Variants in EPN1 observed in about 807,000 individuals in gnomAD.
EPN1 encodes epsin-1.
A neutral mutation model predicts 56.9 loss-of-function variants in EPN1; 25 were observed. The ratio of observed to expected loss-of-function variants is 0.44; its 90% CI spans 0.32 to 0.61. The LOEUF (loss-of-function observed/expected upper bound fraction) is 0.61. EPN1 is among the 20% of genes least tolerant of loss of function. EPN1 has a pLI of 0.05. For synonymous variants in EPN1, 411 were observed against 361.8 expected, an observed-to-expected ratio of 1.14 and a Z score of -1.54; for missense variants, 785 against 823.7, an observed-to-expected ratio of 0.95 and a Z score of 0.58.
chr19:55,697,750 G>A lies in EPN1; in HGVS notation c.*2394G>A, dbSNP rs999518208. ...AGTGCTCAGCAGGAGCTGCTGTGTA[G>A]GAGTCCCCCATGAGGCCCAAGCACC... is the stretch of plus-strand genomic sequence containing the variant. On this transcript the variant is annotated 3_prime_UTR_variant, in exon 11 of 11. Coordinates refer to ENST00000270460, the MANE Select transcript of EPN1 (RefSeq NM_001130072.2). 6.6e-6 allele frequency: 1 copy of A among 152,146 alleles called. No homozygotes were observed. Among genetic ancestry groups the A allele is most frequent in the African/African-American group, 2.4e-5 (1 of 41,406 alleles). The allele number at this position is 152,146 out of a possible 1,614,324, so 9.4% of individuals were successfully genotyped here.
In EPN1 at chr19:55,703,563, AT is replaced by A. The variant is rs1987250670; in HGVS notation, c.*8208del. ...GGTCTGGAACTCCTGACCTCAGGTG[AT>A]CCACCTGCCTCGGCCCCCCAAAGTA... On this transcript the variant is annotated 3_prime_UTR_variant, in exon 11 of 11. Coordinates refer to ENST00000270460, the MANE Select transcript of EPN1 (RefSeq NM_001130072.2). 1.3e-5 allele frequency: 2 copies of A among 151,808 alleles called. No individual in the cohort carries two copies. The highest frequency in any genetic ancestry group is 4.2e-4 in the South Asian group (2 of 4,818). 9.4% of individuals were successfully genotyped at this position (151,808 alleles called of 1,614,324 possible).
chr19:55,677,282 T>C, intron 1 of EPN1: 1 of 944,722 alleles, frequency 1.1e-6, no homozygotes. Context: ...GAGGTGGCTA[T>C]GAATCATGGG....
chr19:55,691,046 A>G lies in EPN1; in HGVS notation c.763-708A>G, dbSNP rs937880486. ...GGTGCTGACTGGAGATGTGTGCATG[A>G]GTATGTTGGGGGCATCTGCACGTTC... On this transcript the variant is annotated intron_variant, in intron 6 of 10. Coordinates refer to ENST00000270460, the MANE Select transcript of EPN1 (RefSeq NM_001130072.2). The surrounding 1 kb of genome is among the most constrained non-coding windows in gnomAD (Gnocchi z 5.6). 6.6e-6 allele frequency among the ~76,000 whole-genome samples: 1 copy of G among 151,738 alleles called. No individual in the cohort carries two copies. The highest frequency in any genetic ancestry group is 2.4e-5 in the African/African-American group (1 of 41,238).
At position 55,702,539 on chromosome 19, in the gene EPN1, T is replaced by A. The variant is rs924523182; in HGVS notation, c.*7183T>A. ...CCTCCCAAGTCTGTGCCCGAGTTGC[T>A]TATCTGTGTTTTACAGCCTGAAAGA... On this transcript the variant is annotated 3_prime_UTR_variant, in exon 11 of 11. Transcript: ENST00000270460. 6.6e-6 allele frequency: 1 copy of A among 152,208 alleles called. No individual in the cohort carries two copies. The highest frequency in any genetic ancestry group is 6.5e-5 in the Admixed American group (1 of 15,284). 9.4% of individuals were successfully genotyped at this position (152,208 alleles called of 1,614,324 possible).
Position 55,678,819 on chromosome 19 carries a change from C to T in EPN1, c.192C>T (p.Leu64=), listed in dbSNP as rs748365950. 4 of 1,613,558 alleles carry T rather than the reference C, an allele frequency of 2.5e-6. No individual in the cohort carries two copies. Among genetic ancestry groups the T allele is most frequent in the East Asian group, 2.2e-5 (1 of 44,874 alleles). ...TCATGAGCATGATCTGGAAGCGGCT[C>T]AATGACCATGGCAAGAACTGGCGTC... is the stretch of plus-strand genomic sequence containing the variant. ...SEIMSMIWKR[L]NDHGKNWRHV... Residue 64 remains leucine, a synonymous_variant, in exon 2 of 11, where the codon CTC becomes CTT. Transcript: ENST00000270460.
intron 1 of EPN1, chr19:55,677,769 C>T (rs1238393350): frequency 6.8e-6 from 10 of 1,474,066 alleles, no homozygotes; most frequent in African/African-American, 1.4e-5. Flanking sequence ...TCTTTAATCC[C>T]TTCATCAGCC....
chr19:55,699,953 C>T lies in EPN1; in HGVS notation c.*4597C>T, dbSNP rs1469545657. 1 of 151,654 alleles carries T rather than the reference C, an allele frequency of 6.6e-6. No homozygotes were observed. The allele number at this position is 151,654 out of a possible 1,614,324, so 9.4% of individuals were successfully genotyped here. On this transcript the variant is annotated 3_prime_UTR_variant, in exon 11 of 11. Transcript: ENST00000270460. ...TTTTTTTTTTTGAGACAGAGTCTTGCTCTGTCGCCCAGGCTGGAGTGCAGT... is the reference window on the plus strand; with the variant it reads ...TTTTTTTTTTTGAGACAGAGTCTTGTTCTGTCGCCCAGGCTGGAGTGCAGT...
rs1987596455 is a variant in EPN1, at chr19:55,709,227, T to C, written c.*13871T>C. 2 of 420,634 alleles carry C rather than the reference T, an allele frequency of 4.8e-6. No individual in the cohort carries two copies. The highest frequency in any genetic ancestry group is 9.1e-5 in the Admixed American group (2 of 22,084). The allele number at this position is 420,634 out of a possible 1,614,324, so 26.1% of individuals were successfully genotyped here. A position where few individuals can be genotyped will look rare whatever the true frequency, so the allele number is the denominator to read the frequency against. ...TATAGGATAGGAAGCCTCTGATTTA[T>C]ACCATAAAGTGAAATTTCATATACA... On this transcript the variant is annotated 3_prime_UTR_variant, in exon 11 of 11. Coordinates refer to ENST00000270460, the MANE Select transcript of EPN1 (RefSeq NM_001130072.2).
chr19:55,685,637 C>A lies in EPN1; in HGVS notation c.470C>A (p.Thr157Asn). The change falls in exon 3 of 11, where the codon ACC (threonine) becomes AAC (asparagine). Residue 157 changes from threonine to asparagine, a missense_variant. Physicochemically the swap from Thr to Asn is moderately conservative, Grantham distance 65. This residue lies in a region of EPN1 where 650 missense variants were observed against 605.0 expected (regional missense o/e 1.07). Transcript: ENST00000270460. Reference protein sequence around the residue: ...ALKTKEKLAQTATASSAAVGS... With the variant: ...ALKTKEKLAQNATASSAAVGS... ...AAGACCAAGGAAAAGCTGGCACAGA[C>A]CGCCACGGGTGAGTCCCTCCCTGCG... 1 of 1,595,756 alleles carries A rather than the reference C, an allele frequency of 6.3e-7. No homozygotes were observed. The highest frequency in any genetic ancestry group is 1.3e-5 in the African/African-American group (1 of 74,652).
At position 55,699,655 on chromosome 19, in the gene EPN1, A is replaced by G. The variant is rs2122234358; in HGVS notation, c.*4299A>G. ...AGACCGAGTGTCCCTTGAGCCTAAA[A>G]TATTTACTATCTGGCTCTTCAACAA... On this transcript the variant is annotated 3_prime_UTR_variant, in exon 11 of 11. Transcript: ENST00000270460. 6.6e-6 allele frequency: 1 copy of G among 152,308 alleles called. No homozygotes were observed. The highest frequency in any genetic ancestry group is 2.1e-4 in the South Asian group (1 of 4,830). The allele number at this position is 152,308 out of a possible 1,614,324, so 9.4% of individuals were successfully genotyped here. A position where few individuals can be genotyped will look rare whatever the true frequency, so the allele number is the denominator to read the frequency against.
Position 55,709,108 on chromosome 19 carries a change from C to T in EPN1, c.*13752C>T. 3 of 1,164,128 alleles carry T rather than the reference C, an allele frequency of 2.6e-6. No individual in the cohort carries two copies. The highest frequency in any genetic ancestry group is 3.6e-6 in the Non-Finnish European group (3 of 836,550). The allele number at this position is 1,164,128 out of a possible 1,614,324, so 72.1% of individuals were successfully genotyped here. On this transcript the variant is annotated 3_prime_UTR_variant, in exon 11 of 11. Coordinates refer to ENST00000270460, the MANE Select transcript of EPN1 (RefSeq NM_001130072.2). ...ATTTTTACACAGTATTGCCTCTCTACATTCTGATGTCTACCTCTCCTCTCC... is the reference window on the plus strand; with the variant it reads ...ATTTTTACACAGTATTGCCTCTCTATATTCTGATGTCTACCTCTCCTCTCC...
chr19:55,675,606 GTCTC>G (rs1985344340), intron 1 of EPN1, among the ~76,000 whole-genome samples, 171 bp downstream of exon 1: 2 of 152,222 alleles, frequency 1.3e-5, no homozygotes, highest in South Asian at 4.1e-4. Flanking sequence ...GTCTGTGTCT[GTCTC>G]TCTCGTGTCT....
intron 2 of EPN1, among the ~76,000 whole-genome samples, chr19:55,684,483 C>T (rs1289969925): frequency 6.6e-6 from 1 of 152,140 alleles, no homozygotes; most frequent in East Asian, 1.9e-4. Flanking sequence ...TTAATTTCAA[C>T]TTGTTGAAAG....
At chr19:55,677,229 C>A in intron 1 of EPN1, 1 of 1,427,748 alleles carries the variant, frequency 7.0e-7, no homozygotes, top group Non-Finnish European at 9.7e-7. Context: ...GTGTGTGTCC[C>A]TGGGCAAGGG....
Position 55,692,068 on chromosome 19 carries a change from G to A in EPN1, c.1066+11G>A. ...GGGGAAGTTCCGATGGTGAGTGCGT[G>A]GCCCACTTGCATGCAGCCCCTACGC... On this transcript the variant is annotated intron_variant, in intron 7 of 10. Transcript: ENST00000270460. 7.0e-7 allele frequency: 1 copy of A among 1,427,978 alleles called. No individual in the cohort carries two copies. Among genetic ancestry groups the A allele is most frequent in the South Asian group, 1.5e-5 (1 of 66,628 alleles). 88.5% of individuals were successfully genotyped at this position (1,427,978 alleles called of 1,614,324 possible).
rs758406549 is a variant in EPN1 at position 55,689,960 on chromosome 19, G to T, written c.762+10G>T. On this transcript the variant is annotated intron_variant, in intron 6 of 10. Transcript: ENST00000270460. This position sits in a 1 kb window ranked among gnomAD's most constrained non-coding sequence, Gnocchi z 5.7. Reference sequence around the variant, plus strand: ...TGGGGGCAAGGAGGAGGTGAGCGGGGCTTGTTCTGCCCTCCCTGGCCCCTG... The same window carrying T: ...TGGGGGCAAGGAGGAGGTGAGCGGGTCTTGTTCTGCCCTCCCTGGCCCCTG... 1.1e-5 allele frequency: 17 copies of T among 1,587,966 alleles called. No individual in the cohort carries two copies. Among genetic ancestry groups the T allele is most frequent in the Non-Finnish European group, 1.2e-5 (14 of 1,167,554 alleles).
chr19:55,698,539 A>AC lies in EPN1; in HGVS notation c.*3187dup, dbSNP rs1467048750. The stretch of plus-strand genomic sequence containing the variant: ...TGCCACCTGTGCTCACCCTAGCCTT[A>AC]CCCCTCGCTCTACTCCCGCCCTCGC... On this transcript the variant is annotated 3_prime_UTR_variant, in exon 11 of 11. Coordinates refer to ENST00000270460, the MANE Select transcript of EPN1 (RefSeq NM_001130072.2). 6.6e-6 allele frequency: 1 copy of AC among 151,850 alleles called. No individual in the cohort carries two copies. Among genetic ancestry groups the AC allele is most frequent in the Non-Finnish European group, 1.5e-5 (1 of 68,012 alleles). 9.4% of individuals were successfully genotyped at this position (151,850 alleles called of 1,614,324 possible). A position where few individuals can be genotyped will look rare whatever the true frequency, so the allele number is the denominator to read the frequency against.
chr19:55,707,204 C>T lies in EPN1; in HGVS notation c.*11848C>T, dbSNP rs890343738. 1.3e-5 allele frequency: 2 copies of T among 148,682 alleles called. No homozygotes were observed. Among genetic ancestry groups the T allele is most frequent in the African/African-American group, 5.0e-5 (2 of 40,276 alleles). The allele number at this position is 148,682 out of a possible 1,614,324, so 9.2% of individuals were successfully genotyped here. A position where few individuals can be genotyped will look rare whatever the true frequency, so the allele number is the denominator to read the frequency against. The stretch of plus-strand genomic sequence containing the variant: ...TCTCTCAAAAAAAAAAAAAAAGGAA[C>T]GGTAGTGTGCACCTGTGGTCCCAGC... On this transcript the variant is annotated 3_prime_UTR_variant, in exon 11 of 11. Transcript: ENST00000270460.
chr19:55,689,280 C>A lies in EPN1; in HGVS notation c.604-17C>A. On this transcript the variant is annotated splice_polypyrimidine_tract_variant and intron_variant, in intron 4 of 10. Transcript: ENST00000270460. This position sits in a 1 kb window ranked among gnomAD's most constrained non-coding sequence, Gnocchi z 5.7. ...CTGGCCCCTCCCGTCATGCCCCTCA[C>A]ACTCTCTCTCCCCCAGCCCCCGTCC... 6.5e-7 allele frequency: 1 copy of A among 1,539,772 alleles called. No homozygotes were observed. Among genetic ancestry groups the A allele is most frequent in the Non-Finnish European group, 8.8e-7 (1 of 1,136,500 alleles).
Sources: allele counts gnomAD v4.1 joint callset (sites outside exome capture counted in the v4.1 genomes callset), GRCh38; gene constraint gnomAD v4.1.1; regional missense constraint gnomAD v4.1.1; non-coding constraint Gnocchi (gnomAD v3.1); transcripts MANE v1.5; gene names NCBI Gene and HGNC (gene_info 2026-07-23, HGNC 2026-07-21).